TEX13C: variants seen among roughly 807,000 people sequenced by gnomAD.
TEX13C encodes testis-expressed protein 13C.
For synonymous variants in TEX13C, 219 were observed against 116.6 expected, an observed-to-expected ratio of 1.88 and a Z score of -5.65; for missense variants, 480 against 298.7, an observed-to-expected ratio of 1.61 and a Z score of -4.47.
At chrX:125,320,529 A>C in exon 1 of TEX13C, 1 of 515,882 alleles carries the variant, frequency 1.9e-6, no homozygotes, top group Non-Finnish European at 3.5e-6. Context: ...CAGGTGCTGA[A>C]TGAGCGTGAT....
At chrX:125,323,677 T>C (rs1602635603) in exon 1 of TEX13C, 1 of 111,918 alleles carries the variant, frequency 8.9e-6, no homozygotes, top group East Asian at 2.8e-4. Flanking sequence ...AGTGTTGATT[T>C]TTGCTTATTT....
exon 1 of TEX13C, chrX:125,322,663 C>A: frequency 1.9e-6 from 1 of 514,340 alleles, no homozygotes; most frequent in Non-Finnish European, 3.5e-6. Context: ...AGGAGATGGT[C>A]CCCCTAGGGG....
exon 1 of TEX13C, chrX:125,321,652 G>A (rs777929297): frequency 7.9e-6 from 4 of 509,097 alleles, no homozygotes; most frequent in Admixed American, 2.7e-5. Context: ...ATCTAGTTGT[G>A]CCCAAGGAGC....
exon 1 of TEX13C, chrX:125,323,950 A>AT (rs1160075728): frequency 8.9e-6 from 1 of 111,888 alleles, no homozygotes; most frequent in Non-Finnish European, 1.9e-5. Context: ...GTAGAGTTGA[A>AT]TTTTTTCATT....
upstream of TEX13C, among the ~76,000 whole-genome samples, chrX:125,319,878 T>C (rs941206827): frequency 1.2e-4 from 14 of 112,266 alleles, no homozygotes; most frequent in South Asian, 3.7e-4. Flanking sequence ...TTCTCTGTGA[T>C]GTGTCGCGGA....
At chrX:125,323,532 T>C (rs2148414640) in exon 1 of TEX13C, 1 of 112,307 alleles carries the variant, frequency 8.9e-6, no homozygotes, top group Non-Finnish European at 1.8e-5. Flanking sequence ...TTTTTTTTTC[T>C]CTTAACCTCC....
Position 125,321,327 on chromosome X carries a change from A to T in TEX13C, c.1208A>T (p.Asn403Ile), listed in dbSNP as rs772010798. 8 of 512,782 alleles carry T rather than the reference A, an allele frequency of 1.6e-5. No individual in the cohort carries two copies. In the South Asian group the frequency reaches 2.0e-4, roughly 13 times the overall value. The allele number at this position is 512,782 out of a possible 1,213,427, so 42.3% of individuals were successfully genotyped here. ...AGCAACAGCCACAGCCTGACGAAAA[A>T]TCCAGTTGTGCACAAGGAGATGGTC... Residue 403 changes from asparagine to isoleucine, a missense_variant, in exon 1 of 1, where the codon AAT becomes ATT. Transcript: ENST00000632600.
exon 1 of TEX13C, chrX:125,320,672 G>A (rs757382950): frequency 3.9e-6 from 2 of 514,342 alleles, no homozygotes; most frequent in African/African-American, 4.6e-5. Context: ...ACAGAGTGAG[G>A]CGGTGGCCAC....
chrX:125,320,386 G>C lies in TEX13C; in HGVS notation c.267G>C (p.Gln89His), dbSNP rs906917440. The change falls in exon 1 of 1, where the codon CAG (glutamine) becomes CAC (histidine). Residue 89 changes from glutamine to histidine, a missense_variant. Physicochemically the swap from Gln to His is conservative, Grantham distance 24 (BLOSUM62 0). Coordinates refer to ENST00000632600, the Ensembl canonical transcript of TEX13C. ...GGCAGCAGGAGGAGCTGCTGTACCA[G>C]GTTTGGTGGCTGCAAGGGCATGTGG... The C allele has an allele frequency of 7.8e-6, 4 of 515,101 alleles. No individual in the cohort carries two copies. The African/African-American group carries it at 9.1e-5, about 12-fold the overall frequency. The allele number at this position is 515,101 out of a possible 1,213,427, so 42.5% of individuals were successfully genotyped here. A position where few individuals can be genotyped will look rare whatever the true frequency, so the allele number is the denominator to read the frequency against.
At chrX:125,323,370 A>G in exon 1 of TEX13C, 1 of 210,122 alleles carries the variant, frequency 4.8e-6, no homozygotes, top group Non-Finnish European at 8.5e-6. Flanking sequence ...ACTTCTGAGT[A>G]TAACACTCAG....
At chrX:125,321,613 G>A (rs1305830580) in exon 1 of TEX13C, 1 of 512,867 alleles carries the variant, frequency 1.9e-6, no homozygotes, top group Admixed American at 2.6e-5. Flanking sequence ...TCCCCCTGGG[G>A]GAAAGCCACA....
exon 1 of TEX13C, chrX:125,322,183 G>A (rs903034109): frequency 1.6e-5 from 8 of 489,896 alleles, no homozygotes; most frequent in Admixed American, 2.9e-5. Context: ...TGTTTAGCAG[G>A]AGACACAGCC....
rs777524682 is a variant in TEX13C at position 125,321,328 on chromosome X, T to G, written c.1209T>G (p.Asn403Lys). Residue 403 changes from asparagine (N) to lysine (K), a missense_variant, in exon 1 of 1, where the codon AAT becomes AAG. Asn to Lys is a moderately conservative substitution (Grantham distance 94). Coordinates refer to ENST00000632600, the Ensembl canonical transcript of TEX13C. Reference sequence around the variant, plus strand: ...GCAACAGCCACAGCCTGACGAAAAATCCAGTTGTGCACAAGGAGATGGTCT... The same window carrying G: ...GCAACAGCCACAGCCTGACGAAAAAGCCAGTTGTGCACAAGGAGATGGTCT... The G allele has an allele frequency of 1.6e-5, 8 of 510,643 alleles. No individual in the cohort carries two copies. In the South Asian group the frequency reaches 2.0e-4, roughly 13 times the overall value. The allele number at this position is 510,643 out of a possible 1,213,427, so 42.1% of individuals were successfully genotyped here. A position where few individuals can be genotyped will look rare whatever the true frequency, so the allele number is the denominator to read the frequency against.
exon 1 of TEX13C, chrX:125,321,212 C>G (rs2018833272): frequency 1.9e-6 from 1 of 513,512 alleles, no homozygotes; most frequent in African/African-American, 2.3e-5. Context: ...ACCAGTGATG[C>G]CCAAGGAGAT....
chrX:125,320,726 C>G, exon 1 of TEX13C: 1 of 515,419 alleles, frequency 1.9e-6, no homozygotes, highest in African/African-American at 2.3e-5. Flanking sequence ...GGTAGCAGCC[C>G]CAACAGCTGT....
chrX:125,322,238 G>T (rs892922852), exon 1 of TEX13C: 15 of 504,015 alleles, frequency 3.0e-5, no homozygotes, highest in Non-Finnish European at 3.9e-5. Flanking sequence ...CCCCCTGGGG[G>T]ACAGCAACAG....
exon 1 of TEX13C, chrX:125,323,334 T>A (rs2018866511): frequency 3.6e-6 from 1 of 279,668 alleles, no homozygotes. Context: ...TCTTATTTTA[T>A]TCATTTATTT....
rs1178752551 is a variant in TEX13C at position 125,320,886 on chromosome X, C to CA, written c.768dup (p.Ala257SerfsTer44). On this transcript the variant is annotated frameshift_variant, in exon 1 of 1. Transcript: ENST00000632600. LOFTEE classifies it low-confidence loss of function (END_TRUNC). Reference sequence around the variant, plus strand: ...CTACCACCCCCAGTAGTAATGGAATCAGCAGCAGCAATTGCACCACAGATG... The same window carrying CA: ...CTACCACCCCCAGTAGTAATGGAATCAAGCAGCAGCAATTGCACCACAGATG... 1.9e-6 allele frequency: 1 copy of CA among 515,372 alleles called. No individual in the cohort carries two copies. The highest frequency in any genetic ancestry group is 3.6e-5 in the East Asian group (1 of 27,734). The allele number at this position is 515,372 out of a possible 1,213,427, so 42.5% of individuals were successfully genotyped here. A position where few individuals can be genotyped will look rare whatever the true frequency, so the allele number is the denominator to read the frequency against.
exon 1 of TEX13C, chrX:125,322,911 G>T: frequency 1.9e-6 from 1 of 515,273 alleles, no homozygotes. Flanking sequence ...CAGCCTCAGG[G>T]GCAGAAGGTC....
Sources: allele counts gnomAD v4.1 joint callset (sites outside exome capture counted in the v4.1 genomes callset), GRCh38; gene constraint gnomAD v4.1.1; transcripts MANE v1.5; gene names NCBI Gene and HGNC (gene_info 2026-07-23, HGNC 2026-07-21).